CMTR1: variants seen among roughly 807,000 people sequenced by gnomAD.
CMTR1 encodes cap methyltransferase 1.
A neutral mutation model predicts 107.0 loss-of-function variants in CMTR1; 39 were observed. That is an observed-to-expected ratio of 0.36 (90% confidence interval 0.28 to 0.48). The LOEUF (loss-of-function observed/expected upper bound fraction) is 0.48. CMTR1 is among the 20% of genes least tolerant of loss of function. The pLI, the probability that CMTR1 is intolerant of heterozygous loss-of-function variation, is 0.99. For missense variants in CMTR1, 672 were observed against 1,064.9 expected (o/e 0.63, Z 5.14); for synonymous variants, 366 against 379.5 (o/e 0.96, Z 0.41).
intron 3 of CMTR1, among the ~76,000 whole-genome samples, chr6:37,444,492 T>A (rs1771741044): frequency 6.6e-6 from 1 of 152,228 alleles, no homozygotes; most frequent in South Asian, 2.1e-4. Context: ...TGTGAATTTT[T>A]GCTCTAGTGA....
Position 37,481,242 on chromosome 6 carries a change from T to G in CMTR1, c.*1097T>G, listed in dbSNP as rs1439615046. The G allele has an allele frequency of 1.5e-6, 2 of 1,293,106 alleles. No homozygotes were observed. Among genetic ancestry groups the G allele is most frequent in the Admixed American group, 4.7e-5 (2 of 42,482 alleles). 80.1% of individuals were successfully genotyped at this position (1,293,106 alleles called of 1,614,324 possible). On this transcript the variant is annotated 3_prime_UTR_variant, in exon 24 of 24. Transcript: ENST00000373451. Reference sequence around the variant, plus strand: ...TGGGGTGGGGGTGGGCACCTGTGGTTGTTTTTAATGGGAAATACCTCTCAG... The same window carrying G: ...TGGGGTGGGGGTGGGCACCTGTGGTGGTTTTTAATGGGAAATACCTCTCAG...
chr6:37,461,029 G>A (rs1051538618), intron 10 of CMTR1, among the ~76,000 whole-genome samples: 1 of 152,168 alleles, frequency 6.6e-6, no homozygotes, highest in Admixed American at 6.5e-5. Context: ...GACAGGAAAG[G>A]GGGTATTGTA....
At position 37,461,990 on chromosome 6, in the gene CMTR1, A is replaced by G. The variant is rs1254281504; in HGVS notation, c.1213A>G (p.Thr405Ala). The G allele has an allele frequency of 1.2e-6, 2 of 1,610,592 alleles. No individual in the cohort carries two copies. Among genetic ancestry groups the G allele is most frequent in the South Asian group, 2.2e-5 (2 of 90,808 alleles). Residue 405 changes from threonine (T) to alanine (A), a missense_variant, in exon 12 of 24, where the codon ACC (threonine) becomes GCC (alanine). This residue lies in a region of CMTR1 where 583 missense variants were observed against 968.4 expected (regional missense o/e 0.60). Coordinates refer to ENST00000373451, the MANE Select transcript of CMTR1 (RefSeq NM_015050.3). ...VRTGGHFICK[T>A]FDLFTPFSVG... ...TCTAGGAGGCCACTTCATCTGTAAA[A>G]CCTTTGACCTGTTCACACCGTTTAG...
chr6:37,437,019 T>C (rs1003086079), intron 2 of CMTR1, among the ~76,000 whole-genome samples: 9 of 152,156 alleles, frequency 5.9e-5, no homozygotes, highest in Non-Finnish European at 1.3e-4. Context: ...AGAGAGAAGC[T>C]TGACAGGTGG....
chr6:37,478,379 C>T (rs1942109585), intron 21 of CMTR1, 30 bp from the exon 22 acceptor site: 1 of 1,555,208 alleles, frequency 6.4e-7, no homozygotes, highest in Non-Finnish European at 8.9e-7. Context: ...CCTTTTCTCT[C>T]TCATGCACGT....
chr6:37,475,941 T>C, intron 19 of CMTR1, 185 bp from the exon 20 acceptor site: 1 of 603,002 alleles, frequency 1.7e-6, no homozygotes, highest in African/African-American at 1.8e-5. Context: ...GGGCGGGGCA[T>C]GAATAAAGAC....
the CMTR1 span, among the ~76,000 whole-genome samples, chr6:37,426,484 G>C: frequency 1.3e-5 from 2 of 150,746 alleles, no homozygotes; most frequent in African/African-American, 4.9e-5. Context: ...AGTAGTGCAG[G>C]TTGTCTCTGT....
chr6:37,442,653 A>G lies in CMTR1; in HGVS notation c.134-1346A>G, dbSNP rs79131557. Among the ~76,000 whole-genome samples, 94 of 152,310 alleles carry G rather than the reference A, an allele frequency of 6.2e-4. 2 individuals are homozygous for G. The East Asian group carries it at 0.017, about 27-fold the overall frequency. On this transcript the variant is annotated intron_variant, in intron 2 of 23. Coordinates refer to ENST00000373451, the MANE Select transcript of CMTR1 (RefSeq NM_015050.3). ...GTGTTACTGGAGCACAGTGGAAGGG[A>G]TAATCAGTTAGGCCTGGAGTGCTGG...
chr6:37,443,423 C>T (rs887722789), intron 2 of CMTR1, among the ~76,000 whole-genome samples: 15 of 151,000 alleles, frequency 9.9e-5, no homozygotes, highest in South Asian at 8.3e-4. Flanking sequence ...GGCGCAATTT[C>T]GGCTCACTGC....
At chr6:37,469,013 G>C (rs1416921205) in intron 13 of CMTR1, among the ~76,000 whole-genome samples, 1 of 152,186 alleles carries the variant, frequency 6.6e-6, no homozygotes, top group East Asian at 1.9e-4. Flanking sequence ...AGACTGGCCT[G>C]GCCAACATGG....
chr6:37,431,915 A>C (rs965270045), upstream of CMTR1, among the ~76,000 whole-genome samples: 6 of 152,168 alleles, frequency 3.9e-5, no homozygotes, highest in African/African-American at 1.4e-4. Flanking sequence ...TCCCAGGTTC[A>C]AGCGATTTTC....
intron 23 of CMTR1, 79 bp from the exon 24 acceptor site, chr6:37,479,934 G>T (rs763817206): frequency 1.5e-6 from 2 of 1,339,854 alleles, no homozygotes; most frequent in Middle Eastern, 1.9e-4. Flanking sequence ...AGACCCCTCC[G>T]CCCCACACCC....
In CMTR1 at chr6:37,458,849, C is replaced by T. The variant is rs1183987082; in HGVS notation, c.976+39C>T. The T allele has an allele frequency of 1.3e-5, 20 of 1,591,696 alleles. No homozygotes were observed. The highest frequency in any genetic ancestry group is 1.7e-5 in the Non-Finnish European group (20 of 1,162,054). ...GGAGGGTACTAGGAGGTATGAGGGA[C>T]AGCCCCTCTATGGGGACTTCAGGTC... On this transcript the variant is annotated intron_variant, in intron 9 of 23. Coordinates refer to ENST00000373451, the MANE Select transcript of CMTR1 (RefSeq NM_015050.3). The surrounding 1 kb of genome is among the most constrained non-coding windows in gnomAD (Gnocchi z 4.7).
At chr6:37,438,164 G>C (rs969556663) in intron 2 of CMTR1, among the ~76,000 whole-genome samples, 13 of 152,148 alleles carry the variant, frequency 8.5e-5, no homozygotes, top group African/African-American at 2.7e-4. Flanking sequence ...CGGATTGCTT[G>C]AGCCCAGGAG....
chr6:37,452,465 G>A (rs911375531), intron 6 of CMTR1, among the ~76,000 whole-genome samples: 1 of 152,172 alleles, frequency 6.6e-6, no homozygotes, highest in African/African-American at 2.4e-5. Flanking sequence ...GAAAAAGGCA[G>A]GCCTCAGAGT....
In CMTR1 at chr6:37,459,568, G is replaced by A. The variant is rs777305793; in HGVS notation, c.979G>A (p.Glu327Lys). The A allele has an allele frequency of 6.2e-7, 1 of 1,613,606 alleles. No individual in the cohort carries two copies. The highest frequency in any genetic ancestry group is 1.1e-5 in the South Asian group (1 of 91,070). The stretch of plus-strand genomic sequence containing the variant: ...CTATGACTCTTGTATTCTGACAGGT[G>A]AGGGTGGGATTGATGGAGATGGAGA... The part of the protein sequence containing the change: ...SSELFEPYYG[E>K]GGIDGDGDIT... Residue 327 changes from glutamate (E) to lysine (K), a missense_variant and splice_region_variant, in exon 10 of 24, where the codon GAG (glutamate) becomes AAG (lysine). Physicochemically the swap from Glu to Lys is moderately conservative, Grantham distance 56. Coordinates refer to ENST00000373451, the MANE Select transcript of CMTR1 (RefSeq NM_015050.3).
intron 9 of CMTR1, 74 bp from the exon 10 acceptor site, chr6:37,459,491 AC>A: frequency 7.9e-7 from 1 of 1,268,374 alleles, no homozygotes. Flanking sequence ...GTCTTCACTG[AC>A]CCAGAGCACT....
intron 13 of CMTR1, 83 bp from the exon 14 acceptor site, chr6:37,470,938 C>A: frequency 8.7e-7 from 1 of 1,153,450 alleles, no homozygotes; most frequent in Non-Finnish European, 1.2e-6. Context: ...ATGGCCACTG[C>A]TCCCGTTTAA....
intron 6 of CMTR1, among the ~76,000 whole-genome samples, chr6:37,452,592 G>A (rs556383725): frequency 6.6e-6 from 1 of 152,320 alleles, no homozygotes; most frequent in Admixed American, 6.5e-5. Flanking sequence ...AGGGGAGTTT[G>A]AGAGAAGGGA....
Sources: gnomAD v4.1 joint callset for allele counts (sites outside exome capture counted in the v4.1 genomes callset) on GRCh38, gnomAD v4.1.1 for gene constraint, gnomAD v4.1.1 regional missense constraint, Gnocchi (gnomAD v3.1) non-coding constraint, MANE v1.5 for transcripts, NCBI Gene and HGNC (gene_info 2026-07-23, HGNC 2026-07-21) for gene names.